Variants in FHIT observed in about 807,000 individuals in gnomAD.
FHIT encodes the protein fragile histidine triad diadenosine triphosphatase, also known as bis(5'-adenosyl)-triphosphatase.
In FHIT, 19 loss-of-function variants were observed where a neutral mutation model predicts 17.9. The ratio of observed to expected loss-of-function variants is 1.06; its 90% CI spans 0.74 to 1.56. FHIT has a LOEUF of 1.56. Ranked by LOEUF, FHIT falls within the 40% of genes most tolerant of loss-of-function variation. The pLI is 0.00. For missense variants in FHIT, 248 were observed against 189.2 expected (o/e 1.31, Z -1.82); for synonymous variants, 81 against 69.7 (o/e 1.16, Z -0.81).
intron 3 of FHIT, among the ~76,000 whole-genome samples, chr3:60,995,786 C>T (rs762128821): frequency 3.9e-5 from 6 of 152,154 alleles, no homozygotes; most frequent in Non-Finnish European, 8.8e-5. Context: ...TGTATACAAT[C>T]TGTAAGCCTG....
At chr3:60,469,358 G>A (rs781404275) in intron 5 of FHIT, among the ~76,000 whole-genome samples, 2 of 148,756 alleles carry the variant, frequency 1.3e-5, no homozygotes, top group Admixed American at 6.6e-5. Context: ...TTTCTCTTTT[G>A]TCTCCTCTGA....
intron 9 of FHIT, chr3:59,750,375 G>A (rs1700827089): frequency 1.3e-5 from 3 of 224,576 alleles, no homozygotes. Context: ...CTGAGGTATT[G>A]TCACCCCATT....
chr3:60,209,484 T>C (rs1210873092), intron 5 of FHIT, among the ~76,000 whole-genome samples: 1 of 152,170 alleles, frequency 6.6e-6, no homozygotes, highest in Non-Finnish European at 1.5e-5. Flanking sequence ...CCATCTTTCT[T>C]ACATTCCTAC....
chr3:60,559,225 AAT>A (rs1360401226), intron 4 of FHIT, among the ~76,000 whole-genome samples: 1 of 152,226 alleles, frequency 6.6e-6, no homozygotes, highest in Non-Finnish European at 1.5e-5. Context: ...ATGGGGAATT[AAT>A]ATAAGACAAA....
intron 3 of FHIT, among the ~76,000 whole-genome samples, chr3:60,936,492 C>A (rs1267351611): frequency 6.6e-6 from 1 of 152,130 alleles, no homozygotes; most frequent in Non-Finnish European, 1.5e-5. Flanking sequence ...AACTGAAGCT[C>A]TATATGTAAA....
chr3:60,028,117 T>C (rs1700832529), intron 5 of FHIT, among the ~76,000 whole-genome samples: 1 of 152,130 alleles, frequency 6.6e-6, no homozygotes. Flanking sequence ...CTGGCACAAC[T>C]GGAAAACACA....
intron 4 of FHIT, among the ~76,000 whole-genome samples, chr3:60,665,486 T>G (rs2040359917): frequency 6.6e-6 from 1 of 152,068 alleles, no homozygotes; most frequent in South Asian, 2.1e-4. Flanking sequence ...GATCATTTTG[T>G]CTTCCAGGTG....
intron 3 of FHIT, among the ~76,000 whole-genome samples, chr3:61,039,543 G>T (rs1290304760): frequency 6.6e-6 from 1 of 152,152 alleles, no homozygotes; most frequent in Non-Finnish European, 1.5e-5. Flanking sequence ...ATGACTTCAT[G>T]TCCTTTGCAG....
chr3:60,104,353 G>T (rs890811925), intron 5 of FHIT, among the ~76,000 whole-genome samples: 5 of 152,042 alleles, frequency 3.3e-5, no homozygotes, highest in African/African-American at 1.2e-4. Context: ...TGCATTCAGT[G>T]CTTTGATTGT....
intron 4 of FHIT, among the ~76,000 whole-genome samples, chr3:60,557,382 C>A (rs751059866): frequency 1.5e-4 from 23 of 151,094 alleles, no homozygotes; most frequent in Admixed American, 1.5e-3. Context: ...GGTGGGTGAG[C>A]GGAGGAGGTG....
intron 5 of FHIT, among the ~76,000 whole-genome samples, chr3:60,534,343 G>A (rs2035899893): frequency 6.8e-6 from 1 of 148,064 alleles, no homozygotes; most frequent in African/African-American, 2.5e-5. Flanking sequence ...TGAGGCAGGA[G>A]AATGGCGTGA....
At chr3:60,650,568 A>T (rs539556373) in intron 4 of FHIT, among the ~76,000 whole-genome samples, 7 of 152,316 alleles carry the variant, frequency 4.6e-5, no homozygotes, top group African/African-American at 1.4e-4. Flanking sequence ...CTGATGTGAC[A>T]TACAGAGAGA....
chr3:61,210,681 CT>C (rs2039434749), intron 1 of FHIT, among the ~76,000 whole-genome samples: 1 of 152,254 alleles, frequency 6.6e-6, no homozygotes, highest in East Asian at 2.0e-4. Context: ...TGGGAGTGAC[CT>C]GATTTTCCAG....
At chr3:59,966,624 A>T (rs1276605313) in intron 7 of FHIT, among the ~76,000 whole-genome samples, 2 of 152,210 alleles carry the variant, frequency 1.3e-5, no homozygotes, top group African/African-American at 4.8e-5. Context: ...AATGATAAGT[A>T]TTCATGTATC....
chr3:60,234,023 C>T (rs1406403168), intron 5 of FHIT, among the ~76,000 whole-genome samples: 1 of 152,152 alleles, frequency 6.6e-6, no homozygotes, highest in Non-Finnish European at 1.5e-5. Context: ...AGACAAGTCA[C>T]TTATTATCAA....
At position 60,268,977 on chromosome 3, in the gene FHIT, A is replaced by G. The variant is rs781473026; in HGVS notation, c.104-254825T>C. Reference sequence around the variant, plus strand: ...GGCTTTAAAGATAGAGGAAGGGGCCATGAGAAGCTGGAAAAGTCAAAGAAA... The same window carrying G: ...GGCTTTAAAGATAGAGGAAGGGGCCGTGAGAAGCTGGAAAAGTCAAAGAAA... On this transcript the variant is annotated intron_variant, in intron 5 of 9. Coordinates refer to ENST00000492590, the MANE Select transcript of FHIT (RefSeq NM_002012.4). Among the ~76,000 whole-genome samples, 274 of 152,290 alleles carry G rather than the reference A, an allele frequency of 1.8e-3. 2 individuals carry two copies. Among genetic ancestry groups the G allele is most frequent in the Non-Finnish European group, 3.4e-3 (228 of 68,016 alleles).
intron 5 of FHIT, among the ~76,000 whole-genome samples, chr3:60,109,045 C>T (rs1371793550): frequency 6.6e-6 from 1 of 152,098 alleles, no homozygotes. Context: ...GAGCTGGTTT[C>T]TGCATTGCTA....
chr3:59,850,508 T>C (rs1701891969), intron 8 of FHIT, among the ~76,000 whole-genome samples: 3 of 152,048 alleles, frequency 2.0e-5, no homozygotes, highest in African/African-American at 7.2e-5. Context: ...GCACTTAAAT[T>C]ACGCAGGAGA....
At chr3:60,804,989 A>G (rs532781517) in intron 4 of FHIT, among the ~76,000 whole-genome samples, 1 of 152,350 alleles carries the variant, frequency 6.6e-6, no homozygotes, top group Admixed American at 6.5e-5. Context: ...AGCATAATCC[A>G]CGAGTAACTA....
Sources: gnomAD v4.1 joint callset for allele counts (sites outside exome capture counted in the v4.1 genomes callset) on GRCh38, gnomAD v4.1.1 for gene constraint, MANE v1.5 for transcripts, NCBI Gene and HGNC (gene_info 2026-07-23, HGNC 2026-07-21) for gene names.